Variants in SORCS2 observed in about 807,000 individuals in gnomAD.
The protein encoded by SORCS2 is VPS10 domain-containing receptor SorCS2.
SORCS2 carries 100 observed loss-of-function variants against 141.6 expected under a neutral mutation model. That is an observed-to-expected ratio of 0.71 (90% CI 0.60 to 0.83). The LOEUF (loss-of-function observed/expected upper bound fraction) is 0.83. Ranked by LOEUF, SORCS2 falls within the 40% of genes least tolerant of loss-of-function variation. The pLI is 0.00. For missense variants in SORCS2, 1,646 were observed against 1,560.2 expected, an observed-to-expected ratio of 1.05 and a Z score of -0.93; for synonymous variants, 789 against 676.9, an observed-to-expected ratio of 1.17 and a Z score of -2.57.
chr4:7,571,414 G>A (rs964522012), intron 3 of SORCS2, among the ~76,000 whole-genome samples: 1 of 152,184 alleles, frequency 6.6e-6, no homozygotes, highest in Non-Finnish European at 1.5e-5. Flanking sequence ...GGATGGGTTG[G>A]GGACGGGAAA....
intron 1 of SORCS2, among the ~76,000 whole-genome samples, chr4:7,336,196 G>T (rs1384113140): frequency 6.6e-6 from 1 of 152,328 alleles, no homozygotes; most frequent in Admixed American, 6.5e-5. Flanking sequence ...CGTCCTGGTC[G>T]ATTGCTCGTG....
At chr4:7,434,564 C>CAG (rs1727154255) in intron 2 of SORCS2, 1 of 1,613,348 alleles carries the variant, frequency 6.2e-7, no homozygotes, top group Non-Finnish European at 8.5e-7. Flanking sequence ...CACTTGCATC[C>CAG]GGCTGAAGAC....
chr4:7,641,592 T>C (rs774855432), intron 4 of SORCS2, among the ~76,000 whole-genome samples: 2 of 152,320 alleles, frequency 1.3e-5, no homozygotes, highest in South Asian at 2.1e-4. Flanking sequence ...ATACATGCAA[T>C]TGGGGTAAGC....
intron 11 of SORCS2, among the ~76,000 whole-genome samples, chr4:7,691,283 C>T (rs1426944750): frequency 6.6e-6 from 1 of 152,194 alleles, no homozygotes; most frequent in Non-Finnish European, 1.5e-5. Context: ...CAGGGTGGGC[C>T]CTCCAAGGCT....
intron 3 of SORCS2, among the ~76,000 whole-genome samples, chr4:7,564,183 C>G (rs1186339422): frequency 6.6e-6 from 1 of 152,188 alleles, no homozygotes; most frequent in Admixed American, 6.5e-5. Context: ...TAAATCGCTG[C>G]TTTTCTACTG....
chr4:7,424,613 G>GC (rs900767144), intron 2 of SORCS2, among the ~76,000 whole-genome samples: 2 of 152,130 alleles, frequency 1.3e-5, no homozygotes, highest in African/African-American at 4.8e-5. Flanking sequence ...TGGCAGGAGC[G>GC]CCCCCCTCTG....
intron 1 of SORCS2, among the ~76,000 whole-genome samples, chr4:7,278,675 G>A (rs750906457): frequency 6.6e-6 from 1 of 152,278 alleles, no homozygotes; most frequent in Non-Finnish European, 1.5e-5. Flanking sequence ...CAGCACATGC[G>A]CTTATGGGGC....
At chr4:7,481,180 AC>A (rs971962925) in intron 2 of SORCS2, among the ~76,000 whole-genome samples, 17 of 152,320 alleles carry the variant, frequency 1.1e-4, no homozygotes, top group African/African-American at 3.6e-4. Flanking sequence ...GGAGCCACAG[AC>A]TTTCCTGAGT....
intron 8 of SORCS2, among the ~76,000 whole-genome samples, chr4:7,670,124 G>A (rs896007338): frequency 9.2e-5 from 14 of 152,192 alleles, no homozygotes; most frequent in South Asian, 2.1e-4. Flanking sequence ...TGGGCAAGCT[G>A]GGCTGCTGTC....
intron 2 of SORCS2, among the ~76,000 whole-genome samples, chr4:7,485,532 A>G (rs917577349): frequency 6.6e-6 from 1 of 152,208 alleles, no homozygotes; most frequent in African/African-American, 2.4e-5. Flanking sequence ...CATCTCCTCT[A>G]GCTTCTCCCT....
intron 14 of SORCS2, 48 bp downstream of exon 14, chr4:7,704,332 T>C (rs765251675): frequency 2.6e-5 from 40 of 1,514,034 alleles, no homozygotes; most frequent in Non-Finnish European, 3.5e-5. Context: ...GGCAGAGCCA[T>C]GCTGGGCCTC....
chr4:7,427,413 C>T (rs1180661064), intron 2 of SORCS2, among the ~76,000 whole-genome samples: 1 of 152,174 alleles, frequency 6.6e-6, no homozygotes, highest in Non-Finnish European at 1.5e-5. Flanking sequence ...CCAACTGTCC[C>T]CGACTTCACT....
intron 18 of SORCS2, among the ~76,000 whole-genome samples, chr4:7,721,675 G>A (rs1188339179): frequency 6.6e-6 from 1 of 152,210 alleles, no homozygotes; most frequent in African/African-American, 2.4e-5. Context: ...GGGCTAATGT[G>A]CGGAAGTGGG....
chr4:7,427,222 G>T (rs111470108), intron 2 of SORCS2, among the ~76,000 whole-genome samples: 3,942 of 152,224 alleles, frequency 0.026, 171 homozygotes, highest in African/African-American at 0.09. Context: ...CGGTAGAAGA[G>T]CAAAGTCTTG....
chr4:7,275,028 C>T (rs950076882), intron 1 of SORCS2, among the ~76,000 whole-genome samples: 7 of 152,196 alleles, frequency 4.6e-5, no homozygotes, highest in African/African-American at 9.6e-5. Flanking sequence ...AAGCCTGACA[C>T]CTTTTAATGC....
chr4:7,318,232 C>T (rs928962034), intron 1 of SORCS2, among the ~76,000 whole-genome samples: 1 of 152,172 alleles, frequency 6.6e-6, no homozygotes, highest in Admixed American at 6.5e-5. Context: ...GGAGGTAAGT[C>T]CCTGAAGATT....
chr4:7,235,855 C>T (rs929803468), intron 1 of SORCS2, among the ~76,000 whole-genome samples: 1 of 152,204 alleles, frequency 6.6e-6, no homozygotes, highest in Non-Finnish European at 1.5e-5. Context: ...CTTATCGTGG[C>T]AGGCGATGTT....
intron 12 of SORCS2, among the ~76,000 whole-genome samples, chr4:7,700,522 G>T (rs1724995078): frequency 6.6e-6 from 1 of 152,168 alleles, no homozygotes; most frequent in African/African-American, 2.4e-5. Flanking sequence ...ACTGTGGAAC[G>T]TTCTTCTTCA....
At chr4:7,562,170 T>C (rs991313209) in intron 3 of SORCS2, among the ~76,000 whole-genome samples, 1 of 152,204 alleles carries the variant, frequency 6.6e-6, no homozygotes, top group African/African-American at 2.4e-5. Flanking sequence ...GTAATTGTAC[T>C]TAATTACCCC....
Sources: gnomAD v4.1 joint callset for allele counts (sites outside exome capture counted in the v4.1 genomes callset) on GRCh38, gnomAD v4.1.1 for gene constraint, MANE v1.5 for transcripts, NCBI Gene and HGNC (gene_info 2026-07-23, HGNC 2026-07-21) for gene names.